Variants in ZFPM2 observed in about 807,000 individuals in gnomAD.
ZFPM2 encodes zinc finger protein, FOG family member 2, also known as zinc finger protein ZFPM2.
ZFPM2 carries 20 observed loss-of-function variants against 98.6 expected under a neutral mutation model. The ratio of observed to expected loss-of-function variants is 0.20; its 90% confidence interval spans 0.14 to 0.29. The LOEUF is 0.29. Ranked by LOEUF, ZFPM2 falls within the 10% of genes least tolerant of loss-of-function variation. The probability of loss-of-function intolerance (pLI) is 1.00; values close to 1 mark genes in which losing one functional copy is unlikely to be tolerated. For missense variants in ZFPM2, 1,310 were observed against 1,388.6 expected (o/e 0.94, Z 0.90); for synonymous variants, 518 against 502.7 (o/e 1.03, Z -0.41).
At chr8:105,355,926 T>A (rs548697552) in intron 1 of ZFPM2, among the ~76,000 whole-genome samples, 1 of 152,350 alleles carries the variant, frequency 6.6e-6, no homozygotes, top group East Asian at 1.9e-4. Flanking sequence ...GGTGAAAATG[T>A]ATGCTTCTTG....
intron 5 of ZFPM2, among the ~76,000 whole-genome samples, chr8:105,639,649 A>G (rs1305504477): frequency 2.0e-5 from 3 of 152,110 alleles, no homozygotes; most frequent in African/African-American, 7.2e-5. Context: ...GCACCCATTT[A>G]CATGATTGCA....
At chr8:105,692,932 A>G (rs1810922397) in intron 5 of ZFPM2, among the ~76,000 whole-genome samples, 1 of 152,174 alleles carries the variant, frequency 6.6e-6, no homozygotes, top group Non-Finnish European at 1.5e-5. Context: ...GAGCAATGAC[A>G]TTTTTTAAAT....
intron 3 of ZFPM2, among the ~76,000 whole-genome samples, chr8:105,444,749 G>C (rs2130219460): frequency 6.6e-6 from 1 of 152,224 alleles, no homozygotes; most frequent in South Asian, 2.1e-4. Context: ...TTTCAGTTTA[G>C]TCATGTTTTA....
At chr8:105,379,529 G>A (rs541821988) in intron 1 of ZFPM2, among the ~76,000 whole-genome samples, 7 of 152,242 alleles carry the variant, frequency 4.6e-5, no homozygotes, top group Middle Eastern at 3.4e-3. Flanking sequence ...CAGGGTGGGC[G>A]GATCACCAGA....
chr8:105,366,499 A>T (rs13278897), intron 1 of ZFPM2, among the ~76,000 whole-genome samples: 1 of 5,594 alleles, frequency 1.8e-4, no homozygotes, highest in Admixed American at 2.7e-3. Context: ...CTTTTTTTTA[A>T]TTTTTTTCAT....
At chr8:105,603,695 T>G (rs1816139952) in intron 4 of ZFPM2, among the ~76,000 whole-genome samples, 1 of 152,102 alleles carries the variant, frequency 6.6e-6, no homozygotes, top group Admixed American at 6.6e-5. Context: ...TCATTAGCTG[T>G]GTAATTTAGG....
At chr8:105,506,334 C>G (rs1813697806) in intron 3 of ZFPM2, among the ~76,000 whole-genome samples, 1 of 152,178 alleles carries the variant, frequency 6.6e-6, no homozygotes, top group Non-Finnish European at 1.5e-5. Context: ...TACACATGCA[C>G]AGAGTTTACT....
intron 3 of ZFPM2, among the ~76,000 whole-genome samples, chr8:105,456,306 G>C (rs2130279242): frequency 6.6e-6 from 1 of 151,940 alleles, no homozygotes; most frequent in South Asian, 2.1e-4. Context: ...TGGAGCTCTG[G>C]TGGCAGAAAC....
intron 3 of ZFPM2, among the ~76,000 whole-genome samples, chr8:105,514,869 T>G (rs1373308708): frequency 6.6e-6 from 1 of 152,220 alleles, no homozygotes; most frequent in Non-Finnish European, 1.5e-5. Flanking sequence ...GAACTTAATA[T>G]CGAGCCTGCA....
At chr8:105,786,525 A>T (rs1813420835) in intron 5 of ZFPM2, among the ~76,000 whole-genome samples, 1 of 152,172 alleles carries the variant, frequency 6.6e-6, no homozygotes, top group African/African-American at 2.4e-5. Context: ...TTTCAGTCCA[A>T]TTTAGCCGTT....
intron 1 of ZFPM2, among the ~76,000 whole-genome samples, chr8:105,331,200 C>A (rs1368470444): frequency 6.7e-6 from 1 of 148,882 alleles, no homozygotes; most frequent in East Asian, 2.0e-4. Context: ...TATATATACA[C>A]CCAGTTATAT....
chr8:105,799,607 A>C (rs1245262918), intron 7 of ZFPM2, among the ~76,000 whole-genome samples: 2 of 152,196 alleles, frequency 1.3e-5, no homozygotes, highest in Non-Finnish European at 2.9e-5. Flanking sequence ...TTTAATTTGG[A>C]ATTGTATGCC....
intron 3 of ZFPM2, among the ~76,000 whole-genome samples, chr8:105,527,915 T>C (rs1407922242): frequency 6.6e-6 from 1 of 152,200 alleles, no homozygotes; most frequent in African/African-American, 2.4e-5. Context: ...ATCCAACTTC[T>C]TTATTTCCAG....
intron 5 of ZFPM2, among the ~76,000 whole-genome samples, chr8:105,651,206 C>A (rs963323160): frequency 1.3e-5 from 2 of 151,982 alleles, no homozygotes; most frequent in African/African-American, 4.8e-5. Context: ...CCTTTGACTA[C>A]CTCATTTATA....
At chr8:105,421,992 A>G (rs112606160) in intron 2 of ZFPM2, among the ~76,000 whole-genome samples, 3 of 134,452 alleles carry the variant, frequency 2.2e-5, no homozygotes, top group Non-Finnish European at 4.6e-5. Context: ...AGTTGCAGTG[A>G]GTTGAGATCG....
At chr8:105,739,512 A>C (rs190184337) in intron 5 of ZFPM2, among the ~76,000 whole-genome samples, 4 of 152,058 alleles carry the variant, frequency 2.6e-5, no homozygotes, top group African/African-American at 9.6e-5. Context: ...TTTTATAGGG[A>C]GGAATACACA....
intron 5 of ZFPM2, among the ~76,000 whole-genome samples, chr8:105,727,680 G>A (rs1811845118): frequency 6.6e-6 from 1 of 151,644 alleles, no homozygotes; most frequent in Non-Finnish European, 1.5e-5. Context: ...TCATTGCACT[G>A]TGGCTTTTAG....
At chr8:105,672,412 G>A (rs1468860640) in intron 5 of ZFPM2, among the ~76,000 whole-genome samples, 1 of 151,846 alleles carries the variant, frequency 6.6e-6, no homozygotes, top group African/African-American at 2.4e-5. Context: ...ATGAAATTCA[G>A]ATCAATACAT....
At chr8:105,774,176 C>A (rs1355068910) in intron 5 of ZFPM2, among the ~76,000 whole-genome samples, 1 of 152,088 alleles carries the variant, frequency 6.6e-6, no homozygotes, top group Non-Finnish European at 1.5e-5. Flanking sequence ...CCTCTCTAGA[C>A]CAGGCACAAT....
Sources: gnomAD v4.1 joint callset for allele counts (sites outside exome capture counted in the v4.1 genomes callset) on GRCh38, gnomAD v4.1.1 for gene constraint, MANE v1.5 for transcripts, NCBI Gene and HGNC (gene_info 2026-07-23, HGNC 2026-07-21) for gene names.